The following LTN1 variants were observed in gnomAD, a reference collection of about 807,000 sequenced individuals.
LTN1 encodes E3 ubiquitin-protein ligase listerin.
Under a neutral mutation model 201.2 loss-of-function variants are expected in LTN1, and 88 were observed. The ratio of observed to expected loss-of-function variants is 0.44; its 90% confidence interval spans 0.37 to 0.52. The LOEUF (loss-of-function observed/expected upper bound fraction) is 0.52. Among genes scored for constraint, LTN1 ranks in the 20% least tolerant of loss-of-function variants. LTN1 has a pLI of 0.00. For synonymous variants in LTN1, 645 were observed against 713.5 expected, an observed-to-expected ratio of 0.90 and a Z score of 1.53; for missense variants, 1,752 against 2,038.7, an observed-to-expected ratio of 0.86 and a Z score of 2.71.
intron 25 of LTN1, among the ~76,000 whole-genome samples, chr21:28,940,951 G>A (rs912463056): frequency 6.6e-6 from 1 of 152,190 alleles, no homozygotes. Context: ...GCCAGGCATG[G>A]TGGCTTGCAC....
chr21:28,992,717 C>T (rs1017347906), intron 1 of LTN1, 47 bp downstream of exon 1: 2 of 1,608,988 alleles, frequency 1.2e-6, no homozygotes, highest in Non-Finnish European at 1.7e-6. Flanking sequence ...CGGAGCCAGC[C>T]GCCTCGAAGC....
rs1235654933 is a variant in LTN1, at chr21:28,933,481, T to G, written c.4876-817A>C. ...AATGAAAAATGTTCAGTGGCTGAATTGTACCACTTTAGACCGTTATTTGAG... is the reference window on the plus strand; with the variant it reads ...AATGAAAAATGTTCAGTGGCTGAATGGTACCACTTTAGACCGTTATTTGAG... On this transcript the variant is annotated intron_variant, in intron 27 of 29. Coordinates refer to ENST00000361371, the MANE Select transcript of LTN1 (RefSeq NM_015565.3). Among the ~76,000 whole-genome samples, 3 of 152,200 alleles carry G rather than the reference T, an allele frequency of 2.0e-5. No individual in the cohort carries two copies. In the East Asian group the frequency reaches 5.8e-4, roughly 29 times the overall value.
In LTN1 at chr21:28,981,286, C is replaced by T; in HGVS notation, c.643G>A (p.Glu215Lys). The stretch of plus-strand genomic sequence containing the variant: ...CGGTAGAATTTAGCTTCTCTTTCTT[C>T]CTCTGGAACAGTTCTTGATATAAAA... Reference protein sequence around the residue: ...TLSDPQTVPEEEREAKFYRVV... With the variant: ...TLSDPQTVPEKEREAKFYRVV... Residue 215 changes from glutamate (E) to lysine (K), a missense_variant, in exon 6 of 30, where the codon GAA becomes AAA. Glu to Lys is a moderately conservative substitution (Grantham distance 56). Coordinates refer to ENST00000361371, the MANE Select transcript of LTN1 (RefSeq NM_015565.3). The T allele has an allele frequency of 6.5e-7, 1 of 1,540,764 alleles. No individual in the cohort carries two copies. Among genetic ancestry groups the T allele is most frequent in the Non-Finnish European group, 8.7e-7 (1 of 1,152,148 alleles).
intron 1 of LTN1, among the ~76,000 whole-genome samples, chr21:28,989,714 G>A (rs1389310084): frequency 6.6e-6 from 1 of 151,982 alleles, no homozygotes; most frequent in Non-Finnish European, 1.5e-5. Flanking sequence ...AACTGAATTC[G>A]AAGTTCTCTG....
chr21:28,933,386 C>T (rs1370444225), intron 27 of LTN1, among the ~76,000 whole-genome samples: 2 of 152,146 alleles, frequency 1.3e-5, no homozygotes, highest in African/African-American at 4.8e-5. Context: ...AACTGTTTGC[C>T]AACAGATCAT....
intron 18 of LTN1, among the ~76,000 whole-genome samples, chr21:28,950,634 G>A (rs1428416328): frequency 1.3e-5 from 2 of 152,062 alleles, no homozygotes; most frequent in Non-Finnish European, 2.9e-5. Context: ...TCCCACCTCA[G>A]CCTCCTGAGT....
chr21:28,975,101 G>C (rs890913362), intron 6 of LTN1, among the ~76,000 whole-genome samples: 1 of 152,096 alleles, frequency 6.6e-6, no homozygotes, highest in Non-Finnish European at 1.5e-5. Context: ...CAAAAATGTG[G>C]TCTCATCACA....
rs2084568201 is a variant in LTN1 at position 28,970,760 on chromosome 21, T to G, written c.985-18A>C. 3.8e-6 allele frequency: 6 copies of G among 1,579,132 alleles called. 1 individual carries two copies. The South Asian group carries it at 6.8e-5, about 18-fold the overall frequency. The stretch of plus-strand genomic sequence containing the variant: ...CAACAGTCCTAACCAAACAAAAGAT[T>G]ATAGTAGTAATTAGAGATCATAAAC... On this transcript the variant is annotated intron_variant, in intron 7 of 29. Coordinates refer to ENST00000361371, the MANE Select transcript of LTN1 (RefSeq NM_015565.3).
In LTN1 at chr21:28,968,411, C is replaced by A. The variant is rs115314337; in HGVS notation, c.1311+1055G>T. 6.4e-3 allele frequency among the ~76,000 whole-genome samples: 981 copies of A among 152,230 alleles called. 18 individuals are homozygous for A. The highest frequency in any genetic ancestry group is 0.023 in the African/African-American group (956 of 41,530). On this transcript the variant is annotated intron_variant, in intron 9 of 29. Coordinates refer to ENST00000361371, the MANE Select transcript of LTN1 (RefSeq NM_015565.3). Reference sequence around the variant, plus strand: ...GGGTAGAGACATCCTAAGACCTGGGCTTCTATAATCTCACTAATTTCCTAC... The same window carrying A: ...GGGTAGAGACATCCTAAGACCTGGGATTCTATAATCTCACTAATTTCCTAC...
rs772057074 is a variant in LTN1, at chr21:28,952,278, GA to G, written c.3240-15del. ...TGTTCTCTGGACCTGAAAAAGGAAA[GA>G]AAAAAATTATATTCCGTTTTGAAAG... On this transcript the variant is annotated splice_polypyrimidine_tract_variant and intron_variant, in intron 17 of 29. Transcript: ENST00000361371. 1.4e-6 allele frequency: 2 copies of G among 1,460,182 alleles called. No individual in the cohort carries two copies. Among genetic ancestry groups the G allele is most frequent in the Non-Finnish European group, 1.9e-6 (2 of 1,060,998 alleles). The allele number at this position is 1,460,182 out of a possible 1,614,324, so 90.5% of individuals were successfully genotyped here. A position where few individuals can be genotyped will look rare whatever the true frequency, so the allele number is the denominator to read the frequency against.
intron 11 of LTN1, among the ~76,000 whole-genome samples, chr21:28,962,648 A>G (rs759427226): frequency 1.3e-4 from 20 of 152,220 alleles, no homozygotes; most frequent in Non-Finnish European, 2.8e-4. Flanking sequence ...TAATTACACT[A>G]CAATGGCCTC....
rs141379209 is a variant in LTN1 at position 28,968,896 on chromosome 21, G to A, written c.1311+570C>T. Among the ~76,000 whole-genome samples the A allele has an allele frequency of 8.9e-5, 13 of 146,028 alleles. No homozygotes were observed. The East Asian group carries it at 2.4e-3, about 27-fold the overall frequency. On this transcript the variant is annotated intron_variant, in intron 9 of 29. Transcript: ENST00000361371. ...TGCTGGGATTACAGGCGTGAGCCAC[G>A]ACGCCCAGCCTGCACTACATCTTTC...
chr21:28,935,164 G>A lies in LTN1; in HGVS notation c.4820C>T (p.Ser1607Phe), dbSNP rs1263527962. ...FTSKYVSSVL[S>F]FQEISSVQTS... ...TTGTACAGAAGATATTTCTTGAAAAGAAAGAACACTGCTGACATACTTGCT... is the reference window on the plus strand; with the variant it reads ...TTGTACAGAAGATATTTCTTGAAAAAAAAGAACACTGCTGACATACTTGCT... Residue 1607 changes from serine to phenylalanine, a missense_variant, in exon 27 of 30, where the codon TCT (serine) becomes TTT (phenylalanine). By Grantham distance (155) the Ser-to-Phe change is radical. Transcript: ENST00000361371. 6.2e-7 allele frequency: 1 copy of A among 1,613,532 alleles called. No individual in the cohort carries two copies. Among genetic ancestry groups the A allele is most frequent in the Admixed American group, 1.7e-5 (1 of 60,022 alleles).
At position 28,944,508 on chromosome 21, in the gene LTN1, G is replaced by A; in HGVS notation, c.3857C>T (p.Ala1286Val). 6.2e-7 allele frequency: 1 copy of A among 1,614,022 alleles called. No homozygotes were observed. ...VSCDLACDLS[A>V]FFDSTTLDTI... The stretch of plus-strand genomic sequence containing the variant: ...ATCCAGAGTTGTGGAATCAAAGAAA[G>A]CACTGAGGTCACAGGCCAAATCACA... Residue 1286 changes from alanine (A) to valine (V), a missense_variant, in exon 22 of 30, where the codon GCT (alanine) becomes GTT (valine). Ala to Val is a moderately conservative substitution (Grantham distance 64). This residue lies in a region of LTN1 where 1,211 missense variants were observed against 1,312.8 expected (regional missense o/e 0.92). Transcript: ENST00000361371.
chr21:28,970,499 TA>T (rs2146303018), intron 8 of LTN1, 52 bp downstream of exon 8: 1 of 1,259,718 alleles, frequency 7.9e-7, no homozygotes, highest in Admixed American at 2.1e-5. Context: ...AAAATGAGTA[TA>T]AAAACAAGAA....
At chr21:28,990,499 T>C (rs1446864894) in intron 1 of LTN1, among the ~76,000 whole-genome samples, 1 of 152,232 alleles carries the variant, frequency 6.6e-6, no homozygotes, top group African/African-American at 2.4e-5. Context: ...CAAAGGGTGC[T>C]CAAACCATTA....
intron 24 of LTN1, 30 bp downstream of exon 24, chr21:28,943,232 A>T: frequency 7.1e-7 from 1 of 1,400,742 alleles, no homozygotes; most frequent in Non-Finnish European, 1.0e-6. Context: ...ATAAGAATTT[A>T]ATAAAACAAA....
At chr21:28,953,435 A>AC (rs2084399917) in intron 16 of LTN1, 59 bp from the exon 17 acceptor site, 1 of 1,257,108 alleles carries the variant, frequency 8.0e-7, no homozygotes, top group East Asian at 2.5e-5. Flanking sequence ...CCCTTCAATT[A>AC]CTTTCACTTC....
At chr21:28,969,175 T>C (rs2776246) in intron 9 of LTN1, among the ~76,000 whole-genome samples, 51,402 of 151,348 alleles carry the variant, frequency 0.34, 9,425 homozygotes, top group East Asian at 0.54. Context: ...GAGCTGAGAT[T>C]GCGTCATTGT....
Sources: allele counts gnomAD v4.1 joint callset (sites outside exome capture counted in the v4.1 genomes callset), GRCh38; gene constraint gnomAD v4.1.1; regional missense constraint gnomAD v4.1.1; transcripts MANE v1.5; gene names NCBI Gene and HGNC (gene_info 2026-07-23, HGNC 2026-07-21).